Variants in AUTS2 observed in about 807,000 individuals in gnomAD.
AUTS2 encodes the protein autism susceptibility gene 2 protein.
Under a neutral mutation model 112.4 loss-of-function variants are expected in AUTS2, and 17 were observed. The observed-to-expected ratio is 0.15, with a 90% CI of 0.10 to 0.23. The LOEUF (loss-of-function observed/expected upper bound fraction) is 0.23, where lower values mean the gene tolerates loss of function less well. Among genes scored for constraint, AUTS2 ranks in the 10% least tolerant of loss-of-function variants. AUTS2 has a pLI of 1.00. For missense variants in AUTS2, 1,510 were observed against 1,701.6 expected (o/e 0.89, Z 1.98); for synonymous variants, 751 against 702.7 (o/e 1.07, Z -1.09).
rs549362651 is a variant in AUTS2 at position 70,686,103 on chromosome 7, C to T, written c.691-12466C>T. On this transcript the variant is annotated intron_variant, in intron 5 of 18. Transcript: ENST00000342771. Reference sequence around the variant, plus strand: ...TCAACAGACCTTACAGCAAGGCTGCCTTTGTCAGGCTACCATATGTCCTGT... The same window carrying T: ...TCAACAGACCTTACAGCAAGGCTGCTTTTGTCAGGCTACCATATGTCCTGT... 2.6e-5 allele frequency among the ~76,000 whole-genome samples: 4 copies of T among 152,324 alleles called. No individual in the cohort carries two copies. In the South Asian group the frequency reaches 8.3e-4, roughly 32 times the overall value.
At chr7:70,425,679 C>T (rs1286396024) in intron 4 of AUTS2, among the ~76,000 whole-genome samples, 2 of 152,140 alleles carry the variant, frequency 1.3e-5, no homozygotes, top group African/African-American at 2.4e-5. Flanking sequence ...TCACTGCCTG[C>T]CTGGGGAGCA....
intron 4 of AUTS2, among the ~76,000 whole-genome samples, chr7:70,367,771 A>G (rs1792652290): frequency 6.6e-6 from 1 of 152,124 alleles, no homozygotes; most frequent in Non-Finnish European, 1.5e-5. Context: ...ATCTGATACC[A>G]TTGGGAGAAC....
intron 2 of AUTS2, among the ~76,000 whole-genome samples, chr7:69,944,278 G>C (rs1584476013): frequency 6.6e-6 from 1 of 152,178 alleles, no homozygotes; most frequent in East Asian, 1.9e-4. Flanking sequence ...CTAATAAAAT[G>C]GTTTTCTTGT....
In AUTS2 at chr7:69,758,445, C is replaced by T. The variant is rs180808509; in HGVS notation, c.310-140841C>T. Among the ~76,000 whole-genome samples, 182 of 152,284 alleles carry T rather than the reference C, an allele frequency of 1.2e-3. 1 individual carries two copies. The East Asian group carries it at 0.012, about 10-fold the overall frequency. ...AATCAGGGATAAACCTTAGGCTACT[C>T]TCCTGCTTCCTTTTTCAAATGATCC... On this transcript the variant is annotated intron_variant, in intron 1 of 18. Transcript: ENST00000342771.
At chr7:70,099,965 G>C (rs1804398968) in intron 2 of AUTS2, among the ~76,000 whole-genome samples, 1 of 151,988 alleles carries the variant, frequency 6.6e-6, no homozygotes, top group Non-Finnish European at 1.5e-5. Context: ...TTGTTGGCAA[G>C]TAAAGCATCA....
intron 2 of AUTS2, among the ~76,000 whole-genome samples, chr7:70,046,414 C>G (rs1165882678): frequency 2.6e-5 from 4 of 152,110 alleles, no homozygotes; most frequent in South Asian, 2.1e-4. Flanking sequence ...TACATAAGTA[C>G]TATGTAAGTG....
At chr7:69,902,225 A>G (rs980374748) in intron 2 of AUTS2, among the ~76,000 whole-genome samples, 1 of 152,182 alleles carries the variant, frequency 6.6e-6, no homozygotes, top group Non-Finnish European at 1.5e-5. Context: ...AAAAGGTGAC[A>G]CATGAGTGTT....
At chr7:69,881,722 C>G (rs1274504793) in intron 1 of AUTS2, among the ~76,000 whole-genome samples, 1 of 152,176 alleles carries the variant, frequency 6.6e-6, no homozygotes, top group African/African-American at 2.4e-5. Context: ...CCCCACAGCC[C>G]TGTCTCAGAA....
intron 4 of AUTS2, among the ~76,000 whole-genome samples, chr7:70,197,091 T>A (rs933492068): frequency 6.6e-6 from 1 of 152,206 alleles, no homozygotes; most frequent in Non-Finnish European, 1.5e-5. Flanking sequence ...TATATACATT[T>A]GCGACATGTG....
At chr7:70,312,122 G>A (rs1789786983) in intron 4 of AUTS2, among the ~76,000 whole-genome samples, 1 of 152,138 alleles carries the variant, frequency 6.6e-6, no homozygotes, top group African/African-American at 2.4e-5. Flanking sequence ...GCCTCCCACA[G>A]TGCTGGGATT....
chr7:70,592,590 G>C (rs767342980), intron 5 of AUTS2, among the ~76,000 whole-genome samples: 2 of 152,040 alleles, frequency 1.3e-5, no homozygotes, highest in Non-Finnish European at 2.9e-5. Flanking sequence ...TCGAACTCCT[G>C]ACCTCAAATG....
At chr7:70,525,483 C>T (rs922165853) in intron 5 of AUTS2, among the ~76,000 whole-genome samples, 2 of 152,126 alleles carry the variant, frequency 1.3e-5, no homozygotes, top group African/African-American at 4.8e-5. Flanking sequence ...GAAGATATTA[C>T]ATAACATGAA....
At chr7:70,058,554 A>G (rs1194306308) in intron 2 of AUTS2, among the ~76,000 whole-genome samples, 1 of 152,090 alleles carries the variant, frequency 6.6e-6, no homozygotes, top group Non-Finnish European at 1.5e-5. Context: ...TTTGAAGCAG[A>G]GGAGAAAAAA....
intron 1 of AUTS2, among the ~76,000 whole-genome samples, chr7:69,784,660 A>G (rs1220680199): frequency 3.3e-5 from 5 of 152,202 alleles, no homozygotes; most frequent in African/African-American, 1.2e-4. Context: ...AGTGTAGAGA[A>G]AGAAAGGAAC....
chr7:70,529,365 T>C (rs1799985735), intron 5 of AUTS2, among the ~76,000 whole-genome samples: 1 of 152,172 alleles, frequency 6.6e-6, no homozygotes, highest in African/African-American at 2.4e-5. Flanking sequence ...ACAGGACAGA[T>C]AGAGTGACTC....
chr7:70,093,230 A>G (rs560899156), intron 2 of AUTS2, among the ~76,000 whole-genome samples: 11 of 152,312 alleles, frequency 7.2e-5, no homozygotes, highest in Non-Finnish European at 1.5e-4. Context: ...CTTGCTGTGC[A>G]GGGCTCCATT....
chr7:70,495,235 TA>T (rs34861688), intron 5 of AUTS2, among the ~76,000 whole-genome samples: 8,639 of 102,772 alleles, frequency 0.084, 260 homozygotes, highest in African/African-American at 0.14. Context: ...ACCTTTTCTT[TA>T]AAAAAAAAAA....
intron 4 of AUTS2, among the ~76,000 whole-genome samples, chr7:70,419,622 A>G (rs944066736): frequency 2.0e-4 from 30 of 152,242 alleles, no homozygotes; most frequent in African/African-American, 7.0e-4. Context: ...TTCCTTTTTG[A>G]GACTAGTTGA....
chr7:69,879,120 CTGTG>C (rs5884770), intron 1 of AUTS2, among the ~76,000 whole-genome samples: 65,686 of 147,532 alleles, frequency 0.45, 14,919 homozygotes, highest in East Asian at 0.67. Flanking sequence ...TTGAGACTTT[CTGTG>C]TGTGTGTGTG....
Sources: gnomAD v4.1 joint callset for allele counts (sites outside exome capture counted in the v4.1 genomes callset) on GRCh38, gnomAD v4.1.1 for gene constraint, MANE v1.5 for transcripts, NCBI Gene and HGNC (gene_info 2026-07-23, HGNC 2026-07-21) for gene names.